Variants in ATP8A1 observed in about 807,000 individuals in gnomAD.
The protein encoded by ATP8A1 is ATPase phospholipid transporting 8A1, also known as phospholipid-transporting ATPase IA.
ATP8A1 carries 90 observed loss-of-function variants against 177.7 expected under a neutral mutation model. The ratio of observed to expected loss-of-function variants is 0.51; its 90% confidence interval spans 0.43 to 0.60. ATP8A1 has a LOEUF of 0.60. Ranked by LOEUF, ATP8A1 falls within the 20% of genes least tolerant of loss-of-function variation. The pLI is 0.00. For missense variants in ATP8A1, 1,072 were observed against 1,392.8 expected, an observed-to-expected ratio of 0.77 and a Z score of 3.67; for synonymous variants, 493 against 485.9, an observed-to-expected ratio of 1.01 and a Z score of -0.19.
intron 6 of ATP8A1, among the ~76,000 whole-genome samples, chr4:42,596,917 C>T (rs567040430): frequency 6.6e-6 from 1 of 152,144 alleles, no homozygotes; most frequent in Non-Finnish European, 1.5e-5. Flanking sequence ...AGCAATGAAG[C>T]CAGCAGCTTA....
chr4:42,641,801 A>G (rs1204450233), intron 1 of ATP8A1, among the ~76,000 whole-genome samples: 1 of 152,206 alleles, frequency 6.6e-6, no homozygotes, highest in African/African-American at 2.4e-5. Flanking sequence ...CACATTTTAT[A>G]ACATACAAAC....
At chr4:42,559,448 CATT>C (rs1730587364) in intron 15 of ATP8A1, among the ~76,000 whole-genome samples, 1 of 152,132 alleles carries the variant, frequency 6.6e-6, no homozygotes, top group African/African-American at 2.4e-5. Context: ...TTAAATGTAT[CATT>C]GTGGCAAAAA....
chr4:42,508,522 G>A (rs1404633837), intron 22 of ATP8A1, among the ~76,000 whole-genome samples: 1 of 152,210 alleles, frequency 6.6e-6, no homozygotes, highest in Non-Finnish European at 1.5e-5. Context: ...GGCTGTTAGG[G>A]AAACCTGGTT....
chr4:42,565,685 G>C (rs1230673221), intron 15 of ATP8A1, among the ~76,000 whole-genome samples: 5 of 152,200 alleles, frequency 3.3e-5, no homozygotes, highest in African/African-American at 1.2e-4. Flanking sequence ...CAAAATGATA[G>C]TGGGGGAAAG....
At chr4:42,457,429 G>C (rs1718603872) in intron 27 of ATP8A1, among the ~76,000 whole-genome samples, 2 of 152,136 alleles carry the variant, frequency 1.3e-5, no homozygotes, top group Admixed American at 1.3e-4. Flanking sequence ...AGCTCTTTCA[G>C]ATTTCTTAAG....
In ATP8A1 at chr4:42,529,330, TG is replaced by T. The variant is rs199972876; in HGVS notation, c.1723-4484del. Among the ~76,000 whole-genome samples, 1,012 of 152,328 alleles carry T rather than the reference TG, an allele frequency of 6.6e-3. 7 individuals are homozygous for T. Among genetic ancestry groups the T allele is most frequent in the African/African-American group, 0.023 (973 of 41,568 alleles). ...AATCTGCAGGTAACTACTCTCCTTT[TG>T]AGAGACAGCTCTTGGCTTGTTACTG... is the stretch of plus-strand genomic sequence containing the variant. On this transcript the variant is annotated intron_variant, in intron 20 of 36. Coordinates refer to ENST00000381668, the MANE Select transcript of ATP8A1 (RefSeq NM_006095.2).
Position 42,464,795 on chromosome 4 carries a change from T to G in ATP8A1, c.2514A>C (p.Lys838Asn), listed in dbSNP as rs771168859. Residue 838 changes from lysine to asparagine, a missense_variant, in exon 27 of 37, where the codon AAA becomes AAC. Transcript: ENST00000381668. ...NSSDYSIAQF[K>N]YLKNLLMIHG... is the part of the protein sequence containing the mutation. ...GAATCATCAGTAAATTCTTCAAATA[T>G]TTGAACTAAAACAAGAGTGGGAAAA... The G allele has an allele frequency of 6.2e-7, 1 of 1,613,310 alleles. No individual in the cohort carries two copies. The highest frequency in any genetic ancestry group is 1.1e-5 in the South Asian group (1 of 91,020).
chr4:42,457,736 C>T (rs565307479), intron 27 of ATP8A1, among the ~76,000 whole-genome samples: 11 of 152,094 alleles, frequency 7.2e-5, no homozygotes, highest in Non-Finnish European at 1.3e-4. Context: ...AAGGCTACTA[C>T]GAGCTTGAAA....
intron 27 of ATP8A1, among the ~76,000 whole-genome samples, chr4:42,462,106 TA>T (rs1166713467): frequency 1.3e-5 from 2 of 152,130 alleles, no homozygotes; most frequent in Non-Finnish European, 2.9e-5. Context: ...AAGCAGAGCA[TA>T]AAAGTTCAAA....
chr4:42,439,659 G>A (rs769813485), intron 33 of ATP8A1, among the ~76,000 whole-genome samples: 21 of 152,192 alleles, frequency 1.4e-4, no homozygotes, highest in Non-Finnish European at 2.4e-4. Context: ...AAGGACTGAG[G>A]AAGAACAAGA....
chr4:42,644,530 C>T (rs908994647), intron 1 of ATP8A1, among the ~76,000 whole-genome samples: 2 of 152,006 alleles, frequency 1.3e-5, no homozygotes, highest in Middle Eastern at 3.2e-3. Flanking sequence ...AGTCTAAATG[C>T]AGAGACAAAT....
chr4:42,590,879 T>C lies in ATP8A1; in HGVS notation c.456A>G (p.Ala152=), dbSNP rs1734097872. ...TGGTCACTTTCACTATCTCCCCTAC[T>C]GCCACCTACACGTCCCAGTATAAAA... ...AWEIVHWEKV[A]VGEIVKVTNG... is the part of the protein sequence containing the mutation. The change falls in exon 7 of 37, where the codon GCA becomes GCG. Residue 152 remains alanine (A), a synonymous_variant. Coordinates refer to ENST00000381668, the MANE Select transcript of ATP8A1 (RefSeq NM_006095.2). 2 of 1,609,298 alleles carry C rather than the reference T, an allele frequency of 1.2e-6. No homozygotes were observed. The highest frequency in any genetic ancestry group is 1.7e-5 in the Admixed American group (1 of 59,344).
chr4:42,504,084 C>T (rs1724123190), intron 23 of ATP8A1, among the ~76,000 whole-genome samples: 1 of 152,198 alleles, frequency 6.6e-6, no homozygotes, highest in Non-Finnish European at 1.5e-5. Flanking sequence ...TCTAAAGAGG[C>T]AACTCTGCTG....
chr4:42,636,980 A>C (rs1294541937), intron 1 of ATP8A1, among the ~76,000 whole-genome samples: 2 of 152,186 alleles, frequency 1.3e-5, no homozygotes, highest in Non-Finnish European at 2.9e-5. Context: ...CACCCGCTTA[A>C]AGGATATGCT....
At chr4:42,422,624 G>A (rs981086600) in intron 35 of ATP8A1, among the ~76,000 whole-genome samples, 183 bp downstream of exon 35, 2 of 152,086 alleles carry the variant, frequency 1.3e-5, no homozygotes, top group Non-Finnish European at 2.9e-5. Context: ...ATTAAGCAAC[G>A]TAGCCAAGGG....
intron 20 of ATP8A1, among the ~76,000 whole-genome samples, chr4:42,529,917 G>C (rs1578113445): frequency 6.6e-6 from 1 of 151,574 alleles, no homozygotes; most frequent in South Asian, 2.1e-4. Flanking sequence ...GATGGTCAGG[G>C]ACTTGGAAGA....
chr4:42,513,204 C>T (rs1053396364), intron 22 of ATP8A1, among the ~76,000 whole-genome samples: 5 of 152,086 alleles, frequency 3.3e-5, no homozygotes, highest in African/African-American at 9.7e-5. Context: ...GGCCTTAGAC[C>T]CTCAGGTACC....
intron 5 of ATP8A1, among the ~76,000 whole-genome samples, chr4:42,615,588 G>A (rs1284751387): frequency 6.6e-6 from 1 of 152,186 alleles, no homozygotes; most frequent in Non-Finnish European, 1.5e-5. Flanking sequence ...AGGCCGGGTT[G>A]TATTTGTTTT....
chr4:42,464,893 C>G lies in ATP8A1; in HGVS notation c.2508G>C (p.Gln836His). ...AANSSDYSIA[Q>H]FKYLKNLLMI... ...GTGTTTTGCAGAAATGACGCTTTAC[C>G]TGAGCTATGGAGTAGTCAGAGGAAT... Residue 836 changes from glutamine (Q) to histidine (H), a missense_variant and splice_region_variant, in exon 26 of 37, where the codon CAG becomes CAC. Physicochemically the swap from Gln to His is conservative, Grantham distance 24. Around this residue, in one of 5 missense-constraint regions of ATP8A1, gnomAD observed 316 missense variants for 459.1 expected, o/e 0.69. Coordinates refer to ENST00000381668, the MANE Select transcript of ATP8A1 (RefSeq NM_006095.2). The G allele has an allele frequency of 1.2e-6, 2 of 1,613,976 alleles. No homozygotes were observed. Among genetic ancestry groups the G allele is most frequent in the South Asian group, 2.2e-5 (2 of 91,072 alleles).
Sources: gnomAD v4.1 joint callset for allele counts (sites outside exome capture counted in the v4.1 genomes callset) on GRCh38, gnomAD v4.1.1 for gene constraint, gnomAD v4.1.1 regional missense constraint, MANE v1.5 for transcripts, NCBI Gene and HGNC (gene_info 2026-07-23, HGNC 2026-07-21) for gene names.